ZFHX3: variants seen among roughly 807,000 people sequenced by gnomAD.
ZFHX3 encodes the protein zinc finger homeobox protein 3.
ZFHX3 carries 42 observed loss-of-function variants against 279.1 expected under a neutral mutation model. That is an observed-to-expected ratio of 0.15 (90% confidence interval 0.12 to 0.19). ZFHX3 has a LOEUF of 0.19. ZFHX3 is among the 10% of genes least tolerant of loss of function. The probability of loss-of-function intolerance (pLI) is 1.00; values close to 1 mark genes in which losing one functional copy is unlikely to be tolerated. For missense variants in ZFHX3, 4,981 were observed against 4,754.0 expected, an observed-to-expected ratio of 1.05 and a Z score of -1.40; for synonymous variants, 2,293 against 1,957.8, an observed-to-expected ratio of 1.17 and a Z score of -4.52.
intron 5 of ZFHX3, among the ~76,000 whole-genome samples, chr16:73,206,886 C>G (rs1046995538): frequency 6.6e-6 from 1 of 151,772 alleles, no homozygotes; most frequent in Non-Finnish European, 1.5e-5. Context: ...GGTGTGATGG[C>G]GGGTACCTGT....
In ZFHX3 at chr16:73,557,026, C is replaced by T. The variant is rs535918824; in HGVS notation, c.-1546-100768G>A. ...AGGAGAATGGCATCAACCTGGGAGG[C>T]GGAGCTTGCAGTGAGCCGAGATCAG... is the stretch of plus-strand genomic sequence containing the variant. On this transcript the variant is annotated intron_variant, in intron 2 of 17. Coordinates refer to the ZFHX3 transcript ENST00000641206. 3.9e-3 allele frequency among the ~76,000 whole-genome samples: 508 copies of T among 131,600 alleles called. 2 individuals are homozygous for T. Among genetic ancestry groups the T allele is most frequent in the Admixed American group, 8.4e-3 (92 of 10,970 alleles). 86.3% of individuals were successfully genotyped at this position (131,600 alleles called of 152,430 possible). A position where few individuals can be genotyped will look rare whatever the true frequency, so the allele number is the denominator to read the frequency against.
intron 1 of ZFHX3, among the ~76,000 whole-genome samples, chr16:73,843,775 T>C (rs116196634): frequency 0.012 from 1,854 of 152,256 alleles, 29 homozygotes; most frequent in African/African-American, 0.042. Flanking sequence ...AGGAAAAATT[T>C]TAGGCTTTCT....
At chr16:73,129,082 T>C (rs9933750) in intron 7 of ZFHX3, among the ~76,000 whole-genome samples, 121,444 of 151,960 alleles carry the variant, frequency 0.8, 48,831 homozygotes, top group Middle Eastern at 0.91. Context: ...GTGGAGAAAC[T>C]GAGCCTTAAA....
chr16:72,912,075 C>T (rs924801484), intron 3 of ZFHX3, among the ~76,000 whole-genome samples: 5 of 152,148 alleles, frequency 3.3e-5, no homozygotes, highest in Admixed American at 2.6e-4. Context: ...AAAGGCGAGG[C>T]AGGAAAGGCT....
chr16:72,795,403 C>A lies in ZFHX3; in HGVS notation c.7279G>T (p.Asp2427Tyr). ...GCTTCCGCCAGCTTTGGTTTCTCAT[C>A]GCCTGCCTCTGTTTTTGAATTGAAG... is the stretch of plus-strand genomic sequence containing the variant. The part of the protein sequence containing the change: ...ATFNSKTEAG[D>Y]EKPKLAEAPS... The change falls in exon 9 of 10, where the codon GAT becomes TAT. Residue 2427 changes from aspartate to tyrosine, a missense_variant. By Grantham distance (160) the Asp-to-Tyr change is radical. Coordinates refer to ENST00000268489, the MANE Select transcript of ZFHX3 (RefSeq NM_006885.4). 1.9e-6 allele frequency: 3 copies of A among 1,614,090 alleles called. No homozygotes were observed. Among genetic ancestry groups the A allele is most frequent in the Non-Finnish European group, 2.5e-6 (3 of 1,180,018 alleles).
At chr16:73,704,083 G>A (rs142342621) in intron 1 of ZFHX3, among the ~76,000 whole-genome samples, 8 of 152,156 alleles carry the variant, frequency 5.3e-5, no homozygotes, top group East Asian at 3.9e-4. Context: ...TGGAAATTAC[G>A]CAATTTCAGA....
intron 8 of ZFHX3, among the ~76,000 whole-genome samples, chr16:73,070,684 A>G (rs1043082270): frequency 1.3e-5 from 2 of 151,432 alleles, no homozygotes; most frequent in African/African-American, 4.9e-5. Flanking sequence ...CACGTGACCA[A>G]TCCAGAAGGA....
intron 3 of ZFHX3, among the ~76,000 whole-genome samples, chr16:73,449,953 A>T (rs2018254966): frequency 6.6e-6 from 1 of 152,166 alleles, no homozygotes. Flanking sequence ...TTAAATTCTA[A>T]CCTAACAATG....
chr16:72,982,974 T>A (rs1962675993), intron 1 of ZFHX3, among the ~76,000 whole-genome samples: 1 of 152,110 alleles, frequency 6.6e-6, no homozygotes, highest in African/African-American at 2.4e-5. Flanking sequence ...GGGGGTAACG[T>A]AAAGGGTGAT....
chr16:72,886,042 C>G (rs764796683), intron 4 of ZFHX3, among the ~76,000 whole-genome samples: 1 of 152,134 alleles, frequency 6.6e-6, no homozygotes, highest in Non-Finnish European at 1.5e-5. Context: ...TCAATTCTAC[C>G]AGGTCCATAA....
At chr16:73,413,372 A>T (rs572094330) in intron 3 of ZFHX3, among the ~76,000 whole-genome samples, 1 of 152,220 alleles carries the variant, frequency 6.6e-6, no homozygotes, top group African/African-American at 2.4e-5. Context: ...GTGAAGGAGG[A>T]TGAGGCTGGA....
chr16:73,172,740 A>C (rs1278771023), intron 5 of ZFHX3, among the ~76,000 whole-genome samples: 1 of 152,224 alleles, frequency 6.6e-6, no homozygotes, highest in Non-Finnish European at 1.5e-5. Flanking sequence ...TCCCGGCCAA[A>C]ACACATATCA....
intron 5 of ZFHX3, among the ~76,000 whole-genome samples, chr16:73,179,114 T>C (rs1282124117): frequency 6.6e-6 from 1 of 152,210 alleles, no homozygotes; most frequent in Non-Finnish European, 1.5e-5. Flanking sequence ...ACTTCTAATA[T>C]ATTCTCACCA....
intron 3 of ZFHX3, among the ~76,000 whole-genome samples, chr16:73,349,697 TTCCC>T (rs1555511481): frequency 1.5e-4 from 4 of 26,038 alleles, no homozygotes; most frequent in East Asian, 4.8e-3. Flanking sequence ...TCTCCCTTCC[TTCCC>T]TCCCTCCCTC....
intron 5 of ZFHX3, among the ~76,000 whole-genome samples, chr16:72,813,385 C>A (rs1206638421): frequency 6.6e-6 from 1 of 152,104 alleles, no homozygotes; most frequent in East Asian, 1.9e-4. Flanking sequence ...ATGTGGACAC[C>A]AAGATGCTGT....
rs71156147 is a variant in ZFHX3 at position 73,187,144 on chromosome 16, TCACACACACACA to T, written c.-1103-43325_-1103-43314del. On this transcript the variant is annotated intron_variant, in intron 5 of 17. Transcript: ENST00000641206. ...CGGGGGGATGGACAAGTTGTATGTC[TCACACACACACA>T]CACACACACACACACACTCACTCAG... Among the ~76,000 whole-genome samples, 79 of 147,072 alleles carry T rather than the reference TCACACACACACA, an allele frequency of 5.4e-4. No homozygotes were observed. The South Asian group carries it at 0.016, about 30-fold the overall frequency.
At chr16:73,765,347 T>C (rs1260406982) in intron 1 of ZFHX3, among the ~76,000 whole-genome samples, 1 of 152,230 alleles carries the variant, frequency 6.6e-6, no homozygotes, top group Non-Finnish European at 1.5e-5. Context: ...TCTTTACCTT[T>C]TTAAAAATGT....
intron 8 of ZFHX3, among the ~76,000 whole-genome samples, chr16:73,072,772 G>A (rs577167719): frequency 1.3e-5 from 2 of 152,186 alleles, no homozygotes; most frequent in Non-Finnish European, 2.9e-5. Context: ...GTCTTGCTAT[G>A]TTGCCCAGGC....
rs79870884 is a variant in ZFHX3 at position 73,335,573 on chromosome 16, C to T, written c.-1290-17237G>A. 2.7e-3 allele frequency among the ~76,000 whole-genome samples: 405 copies of T among 152,288 alleles called. 4 individuals are homozygous for T. Among genetic ancestry groups the T allele is most frequent in the Admixed American group, 6.4e-3 (98 of 15,304 alleles). On this transcript the variant is annotated intron_variant, in intron 3 of 17. Transcript: ENST00000641206. ...AACTCTGACAGCTATTTCTACTGTT[C>T]GTTGCCAATGAAGATTCATGATCAG...
Sources: gnomAD v4.1 joint callset for allele counts (sites outside exome capture counted in the v4.1 genomes callset) on GRCh38, gnomAD v4.1.1 for gene constraint, MANE v1.5 for transcripts, NCBI Gene and HGNC (gene_info 2026-07-23, HGNC 2026-07-21) for gene names.